The following TWSG1 variants were observed in gnomAD, a reference collection of about 807,000 sequenced individuals.
The protein encoded by TWSG1 is twisted gastrulation BMP signaling modulator 1, also known as twisted gastrulation protein homolog 1.
Under a neutral mutation model 23.0 loss-of-function variants are expected in TWSG1, and 15 were observed. The observed-to-expected ratio is 0.65, with a 90% CI of 0.44 to 1.00. TWSG1 has a LOEUF of 1.00. Ranked by LOEUF, TWSG1 falls within the 50% of genes least tolerant of loss-of-function variation. The pLI, the probability that TWSG1 is intolerant of heterozygous loss-of-function variation, is 0.00. For synonymous variants in TWSG1, 86 were observed against 92.8 expected (o/e 0.93, Z 0.42); for missense variants, 242 against 278.7 (o/e 0.87, Z 0.94).
chr18:9,340,771 T>C (rs1002661978), intron 2 of TWSG1, among the ~76,000 whole-genome samples: 27 of 151,868 alleles, frequency 1.8e-4, no homozygotes, highest in Non-Finnish European at 1.6e-4. Context: ...AAGATCTACA[T>C]CTACCCTGTG....
chr18:9,393,158 G>A (rs1342981392), intron 3 of TWSG1, among the ~76,000 whole-genome samples: 24 of 152,194 alleles, frequency 1.6e-4, no homozygotes. Context: ...CTCAGAGCAG[G>A]GTTGCCACAA....
At position 9,399,680 on chromosome 18, in the gene TWSG1, T is replaced by A; in HGVS notation, c.*153T>A. ...TCTTTTAAAAATATGACATAGCCAG[T>A]GATGTGTTTAATTATATAACTGTTC... is the stretch of plus-strand genomic sequence containing the variant. On this transcript the variant is annotated 3_prime_UTR_variant, in exon 5 of 5. Transcript: ENST00000262120. 1.5e-6 allele frequency: 1 copy of A among 658,558 alleles called. No homozygotes were observed. Among genetic ancestry groups the A allele is most frequent in the Non-Finnish European group, 2.5e-6 (1 of 404,680 alleles). The allele number at this position is 658,558 out of a possible 1,614,324, so 40.8% of individuals were successfully genotyped here.
At position 9,396,613 on chromosome 18, in the gene TWSG1, A is replaced by G. The variant is rs139637875; in HGVS notation, c.490+67A>G. 8 of 1,547,954 alleles carry G rather than the reference A, an allele frequency of 5.2e-6. No individual in the cohort carries two copies. In the Admixed American group the frequency reaches 1.5e-4, roughly 29 times the overall value. On this transcript the variant is annotated intron_variant, in intron 4 of 4. Coordinates refer to ENST00000262120, the MANE Select transcript of TWSG1 (RefSeq NM_020648.6). ...GTGGTCTGTCCATGTAATCTATAAAACCTATATAAGACCATCTTTTGGAGC... is the reference window on the plus strand; with the variant it reads ...GTGGTCTGTCCATGTAATCTATAAAGCCTATATAAGACCATCTTTTGGAGC...
At chr18:9,387,078 C>T (rs573138192) in intron 3 of TWSG1, among the ~76,000 whole-genome samples, 1 of 152,250 alleles carries the variant, frequency 6.6e-6, no homozygotes, top group East Asian at 1.9e-4. Flanking sequence ...ACCAGGAGTT[C>T]AGTTAAGGAT....
At chr18:9,391,502 T>TTGGGAGGCTG (rs2040712703) in intron 3 of TWSG1, among the ~76,000 whole-genome samples, 1 of 152,226 alleles carries the variant, frequency 6.6e-6, no homozygotes, top group Non-Finnish European at 1.5e-5. Flanking sequence ...ATGGCAGCTA[T>TTGGGAGGCTG]AACCTTACAA....
intron 3 of TWSG1, among the ~76,000 whole-genome samples, chr18:9,366,316 T>C (rs759179574): frequency 6.6e-6 from 1 of 152,112 alleles, no homozygotes; most frequent in African/African-American, 2.4e-5. Context: ...CTGTGGTGAA[T>C]GGAAGAAAGG....
At chr18:9,342,141 A>G (rs908111853) in intron 2 of TWSG1, among the ~76,000 whole-genome samples, 21 of 152,204 alleles carry the variant, frequency 1.4e-4, no homozygotes, top group African/African-American at 4.8e-4. Context: ...GCTGCATAGT[A>G]TAATGGTTAA....
At chr18:9,394,011 C>A (rs1319532520) in intron 3 of TWSG1, among the ~76,000 whole-genome samples, 1 of 152,120 alleles carries the variant, frequency 6.6e-6, no homozygotes, top group African/African-American at 2.4e-5. Flanking sequence ...CCTCAAAAAA[C>A]CACAAATAGA....
chr18:9,341,700 A>G (rs2040446998), intron 2 of TWSG1, among the ~76,000 whole-genome samples: 1 of 152,100 alleles, frequency 6.6e-6, no homozygotes, highest in South Asian at 2.1e-4. Flanking sequence ...TCTTCAATAT[A>G]TTTAAGGTTT....
Position 9,383,194 on chromosome 18 carries a change from GTT to G in TWSG1, c.224-13069_224-13068del, listed in dbSNP as rs71168053. Among the ~76,000 whole-genome samples, 72 of 79,366 alleles carry G rather than the reference GTT, an allele frequency of 9.1e-4. No homozygotes were observed. The East Asian group carries it at 0.014, about 15-fold the overall frequency. 52.1% of individuals were successfully genotyped at this position (79,366 alleles called of 152,430 possible). A position where few individuals can be genotyped will look rare whatever the true frequency, so the allele number is the denominator to read the frequency against. ...TATCCGAATTACACGTTTTTTTTTT[GTT>G]TTTTTTTTTTTTTTTTGAGATGGAG... On this transcript the variant is annotated intron_variant, in intron 3 of 4. Transcript: ENST00000262120.
intron 3 of TWSG1, among the ~76,000 whole-genome samples, chr18:9,369,703 T>A (rs62087475): frequency 0.058 from 8,882 of 152,240 alleles, 315 homozygotes; most frequent in Non-Finnish European, 0.08. Context: ...AGCTTACTTT[T>A]TAATTTTTGT....
intron 2 of TWSG1, among the ~76,000 whole-genome samples, chr18:9,359,759 C>T (rs1390239383): frequency 6.6e-6 from 1 of 152,050 alleles, no homozygotes; most frequent in Non-Finnish European, 1.5e-5. Flanking sequence ...AAGGTAAAAG[C>T]ATTCAAAGTA....
At chr18:9,383,053 G>A (rs1268282693) in intron 3 of TWSG1, among the ~76,000 whole-genome samples, 1 of 152,076 alleles carries the variant, frequency 6.6e-6, no homozygotes, top group African/African-American at 2.4e-5. Flanking sequence ...TAAGGAGAAG[G>A]GTAGAGAATG....
chr18:9,384,959 C>A (rs1179494993), intron 3 of TWSG1, among the ~76,000 whole-genome samples: 2 of 151,982 alleles, frequency 1.3e-5, no homozygotes, highest in Non-Finnish European at 2.9e-5. Context: ...GATGTGCTTG[C>A]TCTTTAGTAA....
At chr18:9,383,183 G>T (rs903679601) in intron 3 of TWSG1, among the ~76,000 whole-genome samples, 3 of 75,338 alleles carry the variant, frequency 4.0e-5, no homozygotes, top group African/African-American at 1.6e-4. Flanking sequence ...CGAATTACAC[G>T]TTTTTTTTTT....
intron 3 of TWSG1, among the ~76,000 whole-genome samples, chr18:9,374,692 C>T (rs1294364061): frequency 6.6e-6 from 1 of 152,170 alleles, no homozygotes; most frequent in African/African-American, 2.4e-5. Flanking sequence ...TAGCATTGTC[C>T]TAATACCCAA....
At chr18:9,337,081 A>C (rs1178682922) in intron 1 of TWSG1, 112 bp from the exon 2 acceptor site, 1 of 992,498 alleles carries the variant, frequency 1.0e-6, no homozygotes, top group Non-Finnish European at 1.5e-6. Context: ...AAAAGAAAGA[A>C]AAAGTATATT....
At chr18:9,341,470 ACT>A (rs973146011) in intron 2 of TWSG1, among the ~76,000 whole-genome samples, 2 of 152,050 alleles carry the variant, frequency 1.3e-5, no homozygotes, top group Admixed American at 1.3e-4. Flanking sequence ...TTTTAATCTA[ACT>A]CTTATATTTT....
chr18:9,343,346 C>G (rs1352117769), intron 2 of TWSG1, among the ~76,000 whole-genome samples: 1 of 149,950 alleles, frequency 6.7e-6, no homozygotes, highest in African/African-American at 2.5e-5. Flanking sequence ...ATAGTGTCCT[C>G]TTTTCTTTCT....
Sources: allele counts gnomAD v4.1 joint callset (sites outside exome capture counted in the v4.1 genomes callset), GRCh38; gene constraint gnomAD v4.1.1; transcripts MANE v1.5; gene names NCBI Gene and HGNC (gene_info 2026-07-23, HGNC 2026-07-21).